The following OPCML variants were observed in gnomAD, a reference collection of about 807,000 sequenced individuals.
OPCML encodes opioid-binding protein/cell adhesion molecule.
OPCML carries 13 observed loss-of-function variants against 37.8 expected under a neutral mutation model. That is an observed-to-expected ratio of 0.34 (90% CI 0.22 to 0.55). The LOEUF (loss-of-function observed/expected upper bound fraction) is 0.55, where lower values mean the gene tolerates loss of function less well. OPCML is among the 20% of genes least tolerant of loss of function. The pLI is 0.91. For synonymous variants in OPCML, 176 were observed against 168.8 expected (o/e 1.04, Z -0.33); for missense variants, 341 against 435.6 (o/e 0.78, Z 1.93).
chr11:132,485,872 G>T (rs997355284), intron 4 of OPCML, among the ~76,000 whole-genome samples: 1 of 152,010 alleles, frequency 6.6e-6, no homozygotes, highest in African/African-American at 2.4e-5. Context: ...ATCTTTTTGT[G>T]GACAGATCCA....
rs576759919 is a variant in OPCML, at chr11:133,053,686, G to C, written c.62-110676C>G. ...GAAAGCACGCTCCAGGCTTTTCTTC[G>C]ACCTAACCTCCATCGTCTGTCTCAG... On this transcript the variant is annotated intron_variant, in intron 1 of 7. Coordinates refer to ENST00000524381, the MANE Select transcript of OPCML (RefSeq NM_001012393.5). Among the ~76,000 whole-genome samples, 4 of 152,112 alleles carry C rather than the reference G, an allele frequency of 2.6e-5. No individual in the cohort carries two copies. The East Asian group carries it at 7.8e-4, about 30-fold the overall frequency.
intron 2 of OPCML, among the ~76,000 whole-genome samples, chr11:132,918,230 A>G (rs1222979941): frequency 6.6e-6 from 1 of 152,220 alleles, no homozygotes; most frequent in Non-Finnish European, 1.5e-5. Context: ...ATTGAGGAAT[A>G]ACATTCATAA....
chr11:133,076,146 G>A (rs926957830), intron 1 of OPCML, among the ~76,000 whole-genome samples: 7 of 151,780 alleles, frequency 4.6e-5, no homozygotes, highest in Admixed American at 4.6e-4. Flanking sequence ...TCATACAATA[G>A]GGTGGTGGGA....
intron 1 of OPCML, among the ~76,000 whole-genome samples, chr11:133,512,146 T>G (rs1265175040): frequency 6.6e-6 from 1 of 152,168 alleles, no homozygotes; most frequent in African/African-American, 2.4e-5. Context: ...CAGAGGCCAT[T>G]AGAAAGCTCC....
At chr11:133,190,138 C>T (rs1227723734) in intron 1 of OPCML, among the ~76,000 whole-genome samples, 1 of 152,166 alleles carries the variant, frequency 6.6e-6, no homozygotes, top group Non-Finnish European at 1.5e-5. Flanking sequence ...TCCTGAAATC[C>T]AGAGTCCAAA....
chr11:132,918,308 T>G (rs1358847422), intron 2 of OPCML, among the ~76,000 whole-genome samples: 1 of 152,170 alleles, frequency 6.6e-6, no homozygotes, highest in Admixed American at 6.5e-5. Flanking sequence ...ACATCTACTC[T>G]TGGTTGACCA....
chr11:133,292,525 A>G (rs751133978), intron 1 of OPCML, among the ~76,000 whole-genome samples: 4 of 152,206 alleles, frequency 2.6e-5, no homozygotes, highest in Non-Finnish European at 5.9e-5. Context: ...CATCATCATA[A>G]TAATAACCTG....
intron 1 of OPCML, among the ~76,000 whole-genome samples, chr11:133,032,469 G>A (rs1423237645): frequency 6.6e-6 from 1 of 152,174 alleles, no homozygotes; most frequent in Non-Finnish European, 1.5e-5. Flanking sequence ...GGAAAAAAAG[G>A]CACATGCTTG....
At chr11:133,422,949 C>A (rs1945922335) in intron 1 of OPCML, 3 of 985,316 alleles carry the variant, frequency 3.0e-6, no homozygotes, top group Non-Finnish European at 3.6e-6. Flanking sequence ...GAACAAAATG[C>A]TCTGATGGCA....
intron 1 of OPCML, among the ~76,000 whole-genome samples, chr11:133,473,535 T>C (rs1211899227): frequency 1.3e-5 from 2 of 152,142 alleles, no homozygotes; most frequent in African/African-American, 4.8e-5. Flanking sequence ...TTACTCCATG[T>C]TTTGTTACTA....
chr11:133,230,198 C>T (rs915748004), intron 1 of OPCML, among the ~76,000 whole-genome samples: 11 of 152,262 alleles, frequency 7.2e-5, no homozygotes, highest in East Asian at 3.9e-4. Context: ...AATACATTTT[C>T]GCATTTGTGT....
rs896178484 is a variant in OPCML, at chr11:132,489,647, G to A, written c.505+39414C>T. 3.3e-5 allele frequency among the ~76,000 whole-genome samples: 5 copies of A among 151,962 alleles called. 1 individual carries two copies. The highest frequency in any genetic ancestry group is 4.1e-4 in the South Asian group (2 of 4,820). ...TCCTTTAGGATCCTATGGGACCACC[G>A]TTCTGTCTGTGGCCCATTATTATTA... On this transcript the variant is annotated intron_variant, in intron 4 of 7. Transcript: ENST00000524381.
At chr11:132,908,052 G>T (rs1019953263) in intron 2 of OPCML, among the ~76,000 whole-genome samples, 2 of 152,164 alleles carry the variant, frequency 1.3e-5, no homozygotes, top group Admixed American at 1.3e-4. Context: ...TGTAGTCAGG[G>T]ATTTCTAAAA....
chr11:132,901,969 TC>T (rs1181940835), intron 2 of OPCML, among the ~76,000 whole-genome samples: 1 of 152,110 alleles, frequency 6.6e-6, no homozygotes, highest in African/African-American at 2.4e-5. Context: ...GATGATGAAC[TC>T]CCCCCACCAC....
intron 1 of OPCML, among the ~76,000 whole-genome samples, chr11:133,202,657 T>C (rs564467508): frequency 2.6e-5 from 4 of 152,332 alleles, no homozygotes; most frequent in Admixed American, 2.6e-4. Context: ...GGGAAACTTC[T>C]TCTAGTAGCA....
chr11:133,430,558 G>A (rs79311774), intron 1 of OPCML, among the ~76,000 whole-genome samples: 2,263 of 152,128 alleles, frequency 0.015, 60 homozygotes, highest in African/African-American at 0.052. Context: ...AAATGTACAC[G>A]TACAATTCAT....
At chr11:132,813,488 G>A (rs1398038929) in intron 2 of OPCML, among the ~76,000 whole-genome samples, 1 of 152,184 alleles carries the variant, frequency 6.6e-6, no homozygotes, top group African/African-American at 2.4e-5. Context: ...ACCAATGCAA[G>A]AGAAGCAGCC....
chr11:132,509,759 T>C, intron 4 of OPCML, among the ~76,000 whole-genome samples: 1 of 152,204 alleles, frequency 6.6e-6, no homozygotes, highest in African/African-American at 2.4e-5. Flanking sequence ...AATGCTTGGA[T>C]GCCCAGGCAA....
chr11:132,680,940 C>T (rs906240158), intron 2 of OPCML, among the ~76,000 whole-genome samples: 22 of 152,174 alleles, frequency 1.4e-4, no homozygotes, highest in Admixed American at 7.9e-4. Context: ...GCAAGCATCG[C>T]GCAGCGTGGT....
Sources: allele counts gnomAD v4.1 joint callset (sites outside exome capture counted in the v4.1 genomes callset), GRCh38; gene constraint gnomAD v4.1.1; transcripts MANE v1.5; gene names NCBI Gene and HGNC (gene_info 2026-07-23, HGNC 2026-07-21).